MAD1L1: variants seen among roughly 807,000 people sequenced by gnomAD.
The protein encoded by MAD1L1 is mitotic spindle assembly checkpoint protein MAD1.
In MAD1L1, 95 loss-of-function variants were observed where a neutral mutation model predicts 96.9. That is an observed-to-expected ratio of 0.98 (90% confidence interval 0.83 to 1.16). The LOEUF (loss-of-function observed/expected upper bound fraction) is 1.16, where lower values mean the gene tolerates loss of function less well. MAD1L1 is among the 50% of genes most tolerant of loss of function. The probability of loss-of-function intolerance (pLI) is 0.00; values close to 1 mark genes in which losing one functional copy is unlikely to be tolerated. For synonymous variants in MAD1L1, 473 were observed against 396.6 expected, an observed-to-expected ratio of 1.19 and a Z score of -2.29; for missense variants, 1,007 against 954.4, an observed-to-expected ratio of 1.06 and a Z score of -0.73.
intron 17 of MAD1L1, among the ~76,000 whole-genome samples, chr7:1,935,889 A>T (rs905659458): frequency 1.1e-4 from 17 of 152,214 alleles, no homozygotes; most frequent in African/African-American, 3.9e-4. Context: ...GAGCAAGGGG[A>T]CGCCGGGCCA....
intron 14 of MAD1L1, among the ~76,000 whole-genome samples, chr7:2,000,267 C>T (rs1462415690): frequency 1.3e-5 from 2 of 152,176 alleles, no homozygotes; most frequent in Admixed American, 6.5e-5. Flanking sequence ...CGGACTCGGA[C>T]CACGCCTCCG....
intron 10 of MAD1L1, among the ~76,000 whole-genome samples, chr7:2,151,907 T>C (rs1789590565): frequency 6.6e-6 from 1 of 152,194 alleles, no homozygotes; most frequent in Admixed American, 6.5e-5. Context: ...ATTCTGGCAC[T>C]GATGGGCCAC....
At chr7:2,190,423 C>G (rs557426988) in intron 10 of MAD1L1, among the ~76,000 whole-genome samples, 156 of 152,158 alleles carry the variant, frequency 1.0e-3, no homozygotes, top group Non-Finnish European at 1.8e-3. Flanking sequence ...TTGGGTTAGG[C>G]AGATACAAAA....
intron 17 of MAD1L1, among the ~76,000 whole-genome samples, chr7:1,902,014 G>A (rs1044409308): frequency 6.6e-6 from 1 of 152,204 alleles, no homozygotes; most frequent in African/African-American, 2.4e-5. Context: ...TCGGTGAGGG[G>A]CAAGAGAGGA....
chr7:2,038,498 C>CTTTTTTT (rs60466584), intron 12 of MAD1L1, among the ~76,000 whole-genome samples: 3,367 of 92,986 alleles, frequency 0.036, 237 homozygotes, highest in South Asian at 0.1. Context: ...AAGCTGATGA[C>CTTTTTTT]TTTTTTTTTT....
In MAD1L1 at chr7:2,142,513, C is replaced by T. The variant is rs1442431691; in HGVS notation, c.1073+6639G>A. Among the ~76,000 whole-genome samples, 1 of 152,246 alleles carries T rather than the reference C, an allele frequency of 6.6e-6. No homozygotes were observed. Among genetic ancestry groups the T allele is most frequent in the African/African-American group, 2.4e-5 (1 of 41,468 alleles). On this transcript the variant is annotated intron_variant, in intron 11 of 18. Coordinates refer to ENST00000265854, the MANE Select transcript of MAD1L1 (RefSeq NM_001013836.2). This position sits in a 1 kb window ranked among gnomAD's most constrained non-coding sequence, Gnocchi z 4.7. ...GACAGATCACGCGGGTTCTCTGCTG[C>T]CGGACGGAGCGCCCCTAGCTGCCAC...
intron 17 of MAD1L1, among the ~76,000 whole-genome samples, chr7:1,934,789 G>C (rs1037326252): frequency 2.0e-5 from 3 of 150,684 alleles, no homozygotes; most frequent in Non-Finnish European, 4.4e-5. Flanking sequence ...GCGAACCCGA[G>C]ACAGGCAGAC....
intron 18 of MAD1L1, among the ~76,000 whole-genome samples, chr7:1,826,493 C>T (rs959589870): frequency 2.0e-5 from 3 of 152,182 alleles, no homozygotes; most frequent in Admixed American, 1.3e-4. Flanking sequence ...CTCAGCTCCG[C>T]GGAGCTCCTG....
intron 16 of MAD1L1, 53 bp from the exon 17 acceptor site, chr7:1,936,950 CGGGTCACACACAGCAT>C: frequency 2.1e-6 from 3 of 1,424,284 alleles, no homozygotes; most frequent in Admixed American, 2.0e-5. Context: ...ACACGCAGCA[CGGGTCACACACAGCAT>C]GGGTCACCAT....
At chr7:1,819,869 C>T (rs1299913239) in intron 18 of MAD1L1, among the ~76,000 whole-genome samples, 1 of 152,106 alleles carries the variant, frequency 6.6e-6, no homozygotes, top group African/African-American at 2.4e-5. Context: ...ACAAGACCCC[C>T]TGCTGCTGAG....
chr7:2,028,525 G>A (rs115391528), intron 12 of MAD1L1, among the ~76,000 whole-genome samples: 1,976 of 152,040 alleles, frequency 0.013, 43 homozygotes, highest in African/African-American at 0.045. Context: ...TTTAATCAAT[G>A]CATTCTCAAT....
chr7:2,145,289 C>G (rs111572045), intron 11 of MAD1L1, among the ~76,000 whole-genome samples: 6 of 152,246 alleles, frequency 3.9e-5, no homozygotes, highest in Admixed American at 6.5e-5. Flanking sequence ...TGAGCAAACC[C>G]GCATAAAGCT....
intron 17 of MAD1L1, among the ~76,000 whole-genome samples, chr7:1,902,083 G>A (rs369925575): frequency 6.6e-5 from 10 of 152,214 alleles, no homozygotes; most frequent in Admixed American, 6.5e-4. Context: ...GCTGCCCAGG[G>A]CCCGGCCCAG....
At chr7:2,042,845 C>T (rs780028853) in intron 12 of MAD1L1, among the ~76,000 whole-genome samples, 43 of 152,198 alleles carry the variant, frequency 2.8e-4, no homozygotes, top group Non-Finnish European at 5.3e-4. Flanking sequence ...GACACAAGAA[C>T]GGACTAATAC....
At chr7:1,933,412 G>T (rs1369237707) in intron 17 of MAD1L1, among the ~76,000 whole-genome samples, 1 of 152,196 alleles carries the variant, frequency 6.6e-6, no homozygotes, top group East Asian at 1.9e-4. Flanking sequence ...CAGGGCACGT[G>T]GCGGGGGTGT....
intron 17 of MAD1L1, among the ~76,000 whole-genome samples, chr7:1,930,912 C>T (rs1044294221): frequency 2.0e-5 from 3 of 152,262 alleles, no homozygotes; most frequent in East Asian, 1.9e-4. Flanking sequence ...CCAGCCAGGC[C>T]GGGGAGGAGC....
At chr7:1,854,389 C>T (rs767841662) in intron 18 of MAD1L1, 6 of 466,704 alleles carry the variant, frequency 1.3e-5, no homozygotes, top group Non-Finnish European at 2.1e-5. Context: ...TTGGTCCACT[C>T]GGCCGCTGCA....
chr7:2,079,865 G>C (rs191152361), intron 11 of MAD1L1: 1 of 406,558 alleles, frequency 2.5e-6, no homozygotes, highest in African/African-American at 2.1e-5. Flanking sequence ...CTAAACAACC[G>C]CCCCATGCCC....
At chr7:1,816,744 G>C (rs1443976987) in intron 18 of MAD1L1, among the ~76,000 whole-genome samples, 1 of 152,086 alleles carries the variant, frequency 6.6e-6, no homozygotes, top group Non-Finnish European at 1.5e-5. Context: ...AACGGGCAAG[G>C]AGGAGCTTCC....
Sources: allele counts gnomAD v4.1 joint callset (sites outside exome capture counted in the v4.1 genomes callset), GRCh38; gene constraint gnomAD v4.1.1; non-coding constraint Gnocchi (gnomAD v3.1); transcripts MANE v1.5; gene names NCBI Gene and HGNC (gene_info 2026-07-23, HGNC 2026-07-21).